The following AKT3 variants were observed in gnomAD, a reference collection of about 807,000 sequenced individuals.
The protein encoded by AKT3 is AKT serine/threonine kinase 3, also known as RAC-gamma serine/threonine-protein kinase.
AKT3 carries 15 observed loss-of-function variants against 65.3 expected under a neutral mutation model. That is an observed-to-expected ratio of 0.23 (90% CI 0.15 to 0.35). The LOEUF (loss-of-function observed/expected upper bound fraction) is 0.35, where lower values mean the gene tolerates loss of function less well. AKT3 is among the 10% of genes least tolerant of loss of function. The pLI is 1.00. For synonymous variants in AKT3, 206 were observed against 183.8 expected, an observed-to-expected ratio of 1.12 and a Z score of -0.98; for missense variants, 243 against 576.5, an observed-to-expected ratio of 0.42 and a Z score of 5.92.
At chr1:243,603,412 T>C (rs1382105658) in intron 8 of AKT3, among the ~76,000 whole-genome samples, 2 of 152,220 alleles carry the variant, frequency 1.3e-5, no homozygotes, top group African/African-American at 4.8e-5. Flanking sequence ...CCTTAACTTC[T>C]AAGGCTTCTC....
intron 2 of AKT3, among the ~76,000 whole-genome samples, chr1:243,841,479 CA>C (rs1695237343): frequency 6.6e-6 from 1 of 151,944 alleles, no homozygotes; most frequent in Admixed American, 6.6e-5. Flanking sequence ...AAAAGTAAAT[CA>C]AAAAAGCCTT....
At chr1:243,525,902 C>G (rs1161266241) in intron 12 of AKT3, among the ~76,000 whole-genome samples, 1 of 138,908 alleles carries the variant, frequency 7.2e-6, no homozygotes, top group Non-Finnish European at 1.6e-5. Flanking sequence ...AAAAGTTTTC[C>G]AAAGTTAAAG....
intron 8 of AKT3, among the ~76,000 whole-genome samples, chr1:243,605,312 G>A (rs1020953885): frequency 6.6e-6 from 1 of 151,954 alleles, no homozygotes; most frequent in Non-Finnish European, 1.5e-5. Context: ...ACAGGCATGA[G>A]CCACCAGGCC....
intron 5 of AKT3, 79 bp from the exon 6 acceptor site, chr1:243,637,821 A>T: frequency 9.4e-7 from 1 of 1,059,206 alleles, no homozygotes; most frequent in South Asian, 2.3e-5. Context: ...TGTGTTTGCA[A>T]TATCCACTCA....
At chr1:243,705,441 G>C (rs1420946856) in intron 2 of AKT3, among the ~76,000 whole-genome samples, 17 of 152,082 alleles carry the variant, frequency 1.1e-4, no homozygotes. Flanking sequence ...AAGTATTCTG[G>C]TATTTGTTTC....
In AKT3 at chr1:243,773,608, C is replaced by G. The variant is rs1023168261; in HGVS notation, c.46+69517G>C. On this transcript the variant is annotated intron_variant, in intron 2 of 13. Coordinates refer to ENST00000673466, the MANE Select transcript of AKT3 (RefSeq NM_005465.7). ...TGACTGTGCCCCAGCCTGGGCAACACAGTGAGACCCCATCGCCCCCCACAA... is the reference window on the plus strand; with the variant it reads ...TGACTGTGCCCCAGCCTGGGCAACAGAGTGAGACCCCATCGCCCCCCACAA... Among the ~76,000 whole-genome samples, 4 of 152,128 alleles carry G rather than the reference C, an allele frequency of 2.6e-5. No homozygotes were observed. The East Asian group carries it at 5.8e-4, about 22-fold the overall frequency.
At chr1:243,548,281 G>C (rs531236839) in intron 11 of AKT3, 34 of 152,216 alleles carry the variant, frequency 2.2e-4, no homozygotes, top group Non-Finnish European at 4.6e-4. Flanking sequence ...TGAGATGGGA[G>C]TTGGAGTGGA....
chr1:243,694,737 T>A (rs1319627294), intron 3 of AKT3, among the ~76,000 whole-genome samples: 1 of 151,992 alleles, frequency 6.6e-6, no homozygotes, highest in East Asian at 1.9e-4. Flanking sequence ...AAGACTTATT[T>A]TCTTGAATTT....
intron 12 of AKT3, among the ~76,000 whole-genome samples, chr1:243,523,584 T>C (rs963321048): frequency 1.3e-5 from 2 of 152,172 alleles, no homozygotes; most frequent in Non-Finnish European, 2.9e-5. Flanking sequence ...CATTTTAAGA[T>C]GAAGAAAACA....
At chr1:243,513,499 C>T (rs1429536191) in intron 12 of AKT3, among the ~76,000 whole-genome samples, 1 of 152,202 alleles carries the variant, frequency 6.6e-6, no homozygotes, top group East Asian at 1.9e-4. Context: ...CTCTTTCTGT[C>T]ACCAAATGTA....
At chr1:243,608,912 C>A (rs1469521015) in intron 8 of AKT3, among the ~76,000 whole-genome samples, 1 of 151,596 alleles carries the variant, frequency 6.6e-6, no homozygotes, top group Non-Finnish European at 1.5e-5. Context: ...ACCACCATGC[C>A]CGGCTAATTT....
At chr1:243,834,268 CTCA>C (rs1348464789) in intron 2 of AKT3, among the ~76,000 whole-genome samples, 1 of 152,032 alleles carries the variant, frequency 6.6e-6, no homozygotes, top group Non-Finnish European at 1.5e-5. Flanking sequence ...AACCTAAATG[CTCA>C]TCAACAGCAG....
At chr1:243,709,041 C>T (rs867610162) in intron 2 of AKT3, among the ~76,000 whole-genome samples, 3 of 151,822 alleles carry the variant, frequency 2.0e-5, no homozygotes, top group Middle Eastern at 3.4e-3. Flanking sequence ...GTGTTTTATT[C>T]CTTTTGCTAT....
intron 1 of AKT3, chr1:243,843,544 C>G (rs1332545292): frequency 9.5e-7 from 1 of 1,055,594 alleles, no homozygotes; most frequent in Non-Finnish European, 1.1e-6. Context: ...TCACGCCTAC[C>G]CAAATAATAG....
chr1:243,628,182 T>C (rs1679326907), intron 6 of AKT3, among the ~76,000 whole-genome samples: 1 of 152,074 alleles, frequency 6.6e-6, no homozygotes, highest in South Asian at 2.1e-4. Context: ...ACCTAAAATA[T>C]CCATGTCTTG....
chr1:243,564,166 T>A (rs1469568436), intron 9 of AKT3, among the ~76,000 whole-genome samples: 9 of 152,138 alleles, frequency 5.9e-5, no homozygotes, highest in Non-Finnish European at 1.3e-4. Flanking sequence ...CCTCTTTTTT[T>A]AAAAAAGAAA....
chr1:243,823,224 A>G (rs1055808030), intron 2 of AKT3, among the ~76,000 whole-genome samples: 1 of 152,212 alleles, frequency 6.6e-6, no homozygotes, highest in African/African-American at 2.4e-5. Context: ...AATAAAATTC[A>G]ACATCCCTTA....
chr1:243,821,311 A>G (rs1360883647), intron 2 of AKT3, among the ~76,000 whole-genome samples: 1 of 152,214 alleles, frequency 6.6e-6, no homozygotes, highest in Non-Finnish European at 1.5e-5. Flanking sequence ...AAAAACCATT[A>G]CCAGCCACTG....
chr1:243,835,821 G>GAATTTTTTTTTTTTT (rs1694858759), intron 2 of AKT3, among the ~76,000 whole-genome samples: 1 of 151,810 alleles, frequency 6.6e-6, no homozygotes, highest in African/African-American at 2.4e-5. Context: ...ATGAAGAGAG[G>GAATTTTTTTTTTTTT]TATTTTTTTA....
Sources: gnomAD v4.1 joint callset for allele counts (sites outside exome capture counted in the v4.1 genomes callset) on GRCh38, gnomAD v4.1.1 for gene constraint, MANE v1.5 for transcripts, NCBI Gene and HGNC (gene_info 2026-07-23, HGNC 2026-07-21) for gene names.